The following MYT1L variants were observed in gnomAD, a reference collection of about 807,000 sequenced individuals.
MYT1L encodes the protein myelin transcription factor 1-like protein.
A neutral mutation model predicts 126.7 loss-of-function variants in MYT1L; 12 were observed. The ratio of observed to expected loss-of-function variants is 0.09; its 90% CI spans 0.06 to 0.15. The LOEUF (loss-of-function observed/expected upper bound fraction) is 0.15, where lower values mean the gene tolerates loss of function less well. Among genes scored for constraint, MYT1L ranks in the 10% least tolerant of loss-of-function variants. The pLI is 1.00. For missense variants in MYT1L, 979 were observed against 1,585.2 expected (o/e 0.62, Z 6.49); for synonymous variants, 541 against 604.2 (o/e 0.90, Z 1.53).
chr2:2,138,287 G>C (rs1227297273), intron 3 of MYT1L, among the ~76,000 whole-genome samples: 7 of 149,802 alleles, frequency 4.7e-5, no homozygotes, highest in Middle Eastern at 3.4e-3. Flanking sequence ...TCAGTGTGGC[G>C]ATTCCTCAGG....
chr2:2,161,431 G>A (rs967032325), intron 3 of MYT1L, among the ~76,000 whole-genome samples: 3 of 152,244 alleles, frequency 2.0e-5, no homozygotes, highest in Admixed American at 6.5e-5. Flanking sequence ...AGAGTGACCC[G>A]TGCCTGCACG....
At chr2:2,265,207 G>A (rs2095093763) in intron 2 of MYT1L, among the ~76,000 whole-genome samples, 1 of 151,880 alleles carries the variant, frequency 6.6e-6, no homozygotes, top group African/African-American at 2.4e-5. Context: ...TAGTAGAGAT[G>A]GGGTTGGCCA....
intron 21 of MYT1L, among the ~76,000 whole-genome samples, chr2:1,814,709 C>A (rs1268582375): frequency 2.0e-5 from 3 of 152,142 alleles, no homozygotes; most frequent in Non-Finnish European, 2.9e-5. Flanking sequence ...CAGTTAAGTT[C>A]TTTAGGGCAG....
intron 4 of MYT1L, among the ~76,000 whole-genome samples, chr2:2,014,810 G>T (rs73190460): frequency 3.7e-4 from 57 of 152,368 alleles, no homozygotes; most frequent in African/African-American, 1.3e-3. Flanking sequence ...GGTTTCCGGG[G>T]AAGAAGATTC....
chr2:2,133,012 G>A (rs1334816228), intron 3 of MYT1L, among the ~76,000 whole-genome samples: 1 of 152,060 alleles, frequency 6.6e-6, no homozygotes, highest in Non-Finnish European at 1.5e-5. Context: ...AGTTTTGAAA[G>A]ATGTCATAAC....
At chr2:1,932,613 C>T (rs79668116) in intron 9 of MYT1L, among the ~76,000 whole-genome samples, 2,068 of 152,080 alleles carry the variant, frequency 0.014, 54 homozygotes, top group African/African-American at 0.047. Context: ...GTGTGTTCCA[C>T]GAAAAATGAA....
At chr2:2,034,200 T>A (rs551164614) in intron 4 of MYT1L, among the ~76,000 whole-genome samples, 1 of 152,290 alleles carries the variant, frequency 6.6e-6, no homozygotes, top group African/African-American at 2.4e-5. Context: ...AATTCAGGCA[T>A]ATCCTCAAAG....
At chr2:1,822,683 G>A (rs536780689) in intron 21 of MYT1L, among the ~76,000 whole-genome samples, 2 of 152,196 alleles carry the variant, frequency 1.3e-5, no homozygotes, top group Non-Finnish European at 2.9e-5. Flanking sequence ...GTCTCCGAGT[G>A]TCAGGGGCTG....
At chr2:1,824,083 G>A (rs1309827125) in intron 21 of MYT1L, among the ~76,000 whole-genome samples, 1 of 152,194 alleles carries the variant, frequency 6.6e-6, no homozygotes, top group South Asian at 2.1e-4. Flanking sequence ...CTCCATGGGG[G>A]TTGGGGAACG....
chr2:1,900,713 T>G (rs766201588), intron 14 of MYT1L, among the ~76,000 whole-genome samples: 4 of 152,180 alleles, frequency 2.6e-5, no homozygotes, highest in African/African-American at 4.8e-5. Flanking sequence ...CCTCTAAAAT[T>G]TGTACACAAA....
chr2:1,819,701 G>A (rs2038228245), intron 21 of MYT1L, among the ~76,000 whole-genome samples: 1 of 152,232 alleles, frequency 6.6e-6, no homozygotes, highest in Non-Finnish European at 1.5e-5. Context: ...CATTACAGAG[G>A]GAGGTGGAGT....
chr2:1,849,595 A>G (rs1357486035), intron 19 of MYT1L, among the ~76,000 whole-genome samples: 1 of 152,218 alleles, frequency 6.6e-6, no homozygotes, highest in African/African-American at 2.4e-5. Context: ...GGTGAGGCCC[A>G]GGGGTGCCGC....
At chr2:2,112,224 T>C (rs1267152319) in intron 3 of MYT1L, among the ~76,000 whole-genome samples, 2 of 152,170 alleles carry the variant, frequency 1.3e-5, no homozygotes, top group Non-Finnish European at 2.9e-5. Context: ...AAGGCATCTC[T>C]CTATCGAAGC....
At position 1,889,588 on chromosome 2, in the gene MYT1L, A is replaced by C; in HGVS notation, c.2284-111T>G. The C allele has an allele frequency of 1.3e-6, 1 of 780,088 alleles. No homozygotes were observed. The highest frequency in any genetic ancestry group is 1.9e-6 in the Non-Finnish European group (1 of 515,328). 48.3% of individuals were successfully genotyped at this position (780,088 alleles called of 1,614,324 possible). On this transcript the variant is annotated intron_variant, in intron 15 of 24. Transcript: ENST00000647738. The surrounding 1 kb of genome is among the most constrained non-coding windows in gnomAD (Gnocchi z 4.1). ...TCAGCCAGTGTAGCGTTCAACACAG[A>C]ATCCCTCGCTGCTGTTTCCTTGGCC...
At chr2:2,188,373 G>A (rs2092354563) in intron 2 of MYT1L, among the ~76,000 whole-genome samples, 1 of 152,194 alleles carries the variant, frequency 6.6e-6, no homozygotes, top group Non-Finnish European at 1.5e-5. Context: ...CAAGCTGGGG[G>A]AACACACACT....
At chr2:2,197,751 GCA>G (rs140667495) in intron 2 of MYT1L, among the ~76,000 whole-genome samples, 2,378 of 124,246 alleles carry the variant, frequency 0.019, 40 homozygotes, top group African/African-American at 0.049. Flanking sequence ...ATACACACAT[GCA>G]CACACACACA....
At chr2:1,813,794 G>A (rs889522801) in intron 21 of MYT1L, among the ~76,000 whole-genome samples, 3 of 148,986 alleles carry the variant, frequency 2.0e-5, no homozygotes, top group African/African-American at 4.9e-5. Context: ...TTGGGAGGCC[G>A]AGGCGGGCGG....
intron 2 of MYT1L, among the ~76,000 whole-genome samples, chr2:2,267,900 C>T (rs138561405): frequency 1.3e-5 from 2 of 152,090 alleles, no homozygotes; most frequent in Admixed American, 1.3e-4. Flanking sequence ...GGCTTCAGAA[C>T]CACATCCTAA....
At chr2:2,302,878 A>G (rs2095804679) in intron 1 of MYT1L, among the ~76,000 whole-genome samples, 1 of 152,206 alleles carries the variant, frequency 6.6e-6, no homozygotes, top group African/African-American at 2.4e-5. Flanking sequence ...GAAGAAGCCA[A>G]GGCACTTTTG....
Sources: allele counts gnomAD v4.1 joint callset (sites outside exome capture counted in the v4.1 genomes callset), GRCh38; gene constraint gnomAD v4.1.1; non-coding constraint Gnocchi (gnomAD v3.1); transcripts MANE v1.5; gene names NCBI Gene and HGNC (gene_info 2026-07-23, HGNC 2026-07-21).